Variants in CYP46A1 observed in about 807,000 individuals in gnomAD.
CYP46A1 encodes cholesterol 24-hydroxylase.
In CYP46A1, 20 loss-of-function variants were observed where a neutral mutation model predicts 63.3. That is an observed-to-expected ratio of 0.32 (90% CI 0.22 to 0.46). The LOEUF is 0.46. CYP46A1 is among the 20% of genes least tolerant of loss of function. The probability of loss-of-function intolerance (pLI) is 1.00; values close to 1 mark genes in which losing one functional copy is unlikely to be tolerated. For synonymous variants in CYP46A1, 268 were observed against 273.6 expected (o/e 0.98, Z 0.20); for missense variants, 445 against 670.8 (o/e 0.66, Z 3.72).
At chr14:99,693,399 T>C (rs1368995409) in intron 3 of CYP46A1, among the ~76,000 whole-genome samples, 1 of 152,228 alleles carries the variant, frequency 6.6e-6, no homozygotes, top group Non-Finnish European at 1.5e-5. Context: ...TCGTGATGCT[T>C]AATGAGAAAA....
Position 99,725,332 on chromosome 14 carries a change from T to C in CYP46A1, c.1177-59T>C. ...AGCCCTGTTGGGTGGCCTCAGTGGC[T>C]CAAGAGGTGCCAGGGGAACAACCTG... On this transcript the variant is annotated intron_variant, in intron 12 of 14. Transcript: ENST00000261835. This position sits in a 1 kb window ranked among gnomAD's most constrained non-coding sequence, Gnocchi z 4.2. The C allele has an allele frequency of 6.8e-7, 1 of 1,463,094 alleles. No individual in the cohort carries two copies. The highest frequency in any genetic ancestry group is 2.3e-5 in the East Asian group (1 of 44,188). The allele number at this position is 1,463,094 out of a possible 1,614,324, so 90.6% of individuals were successfully genotyped here. A position where few individuals can be genotyped will look rare whatever the true frequency, so the allele number is the denominator to read the frequency against.
At chr14:99,689,829 T>C (rs1405197001) in intron 1 of CYP46A1, among the ~76,000 whole-genome samples, 1 of 152,198 alleles carries the variant, frequency 6.6e-6, no homozygotes, top group Non-Finnish European at 1.5e-5. Context: ...GGTTACTCTC[T>C]GCACTGCTGC....
chr14:99,699,026 C>T (rs1368008452), intron 3 of CYP46A1, among the ~76,000 whole-genome samples: 3 of 152,076 alleles, frequency 2.0e-5, no homozygotes, highest in Non-Finnish European at 4.4e-5. Flanking sequence ...CCTTGACTGC[C>T]CGGCTTGAGT....
chr14:99,695,967 A>G (rs778269356), intron 3 of CYP46A1, among the ~76,000 whole-genome samples: 6 of 151,768 alleles, frequency 4.0e-5, no homozygotes, highest in Non-Finnish European at 8.8e-5. Flanking sequence ...GTTGCATGTT[A>G]TATCTTTTTT....
rs2056890589 is a variant in CYP46A1 at position 99,725,804 on chromosome 14, TGTGGG to T, written c.1265+327_1265+331del. 6.6e-6 allele frequency among the ~76,000 whole-genome samples: 1 copy of T among 152,174 alleles called. No homozygotes were observed. The highest frequency in any genetic ancestry group is 1.5e-5 in the Non-Finnish European group (1 of 68,028). Reference sequence around the variant, plus strand: ...ATCCGTGGCTGCATCTGCAAGTTGCTGTGGGGGTCAACGCGTTAAGGTACCGAAGC... The same window carrying T: ...ATCCGTGGCTGCATCTGCAAGTTGCTGGTCAACGCGTTAAGGTACCGAAGC... On this transcript the variant is annotated intron_variant, in intron 13 of 14. Transcript: ENST00000261835. The surrounding 1 kb of genome is among the most constrained non-coding windows in gnomAD (Gnocchi z 4.2).
intron 10 of CYP46A1, among the ~76,000 whole-genome samples, chr14:99,719,766 T>C (rs577092770): frequency 1.2e-3 from 183 of 148,594 alleles, no homozygotes; most frequent in African/African-American, 4.2e-3. Flanking sequence ...CTTTTCTTTT[T>C]TTTTTTTTTT....
chr14:99,684,802 A>G (rs1477005711), intron 1 of CYP46A1: 1 of 560,660 alleles, frequency 1.8e-6, no homozygotes, highest in Non-Finnish European at 3.4e-6. Flanking sequence ...TTGTTAACCC[A>G]TCGTTCAGAC....
At chr14:99,713,758 C>A (rs1289831760) in intron 7 of CYP46A1, among the ~76,000 whole-genome samples, 1 of 148,916 alleles carries the variant, frequency 6.7e-6, no homozygotes, top group Admixed American at 6.8e-5. Flanking sequence ...ATTAGCCAGG[C>A]ATGGTGTTTG....
intron 10 of CYP46A1, 90 bp downstream of exon 10, chr14:99,718,216 C>A: frequency 2.8e-6 from 3 of 1,075,632 alleles, no homozygotes; most frequent in Non-Finnish European, 2.8e-6. Flanking sequence ...TGGTTGAGTC[C>A]CCTCAACATG....
chr14:99,724,467 TC>T (rs2056876651), intron 12 of CYP46A1, among the ~76,000 whole-genome samples: 1 of 152,124 alleles, frequency 6.6e-6, no homozygotes, highest in Admixed American at 6.6e-5. Context: ...TCTCCTTAGA[TC>T]CCCTTACAGC....
chr14:99,691,242 T>C (rs1595184309), intron 2 of CYP46A1, 81 bp downstream of exon 2: 2 of 1,389,696 alleles, frequency 1.4e-6, no homozygotes, highest in Non-Finnish European at 2.0e-6. Flanking sequence ...GCACACAGAC[T>C]CCCAGCCTCA....
chr14:99,685,664 A>G (rs2056487763), intron 1 of CYP46A1, among the ~76,000 whole-genome samples: 2 of 152,014 alleles, frequency 1.3e-5, no homozygotes, highest in Admixed American at 6.5e-5. Context: ...ATCTCAGGAC[A>G]TGAATATTCT....
At chr14:99,711,157 C>T (rs2056727624) in intron 7 of CYP46A1, 1 of 152,008 alleles carries the variant, frequency 6.6e-6, no homozygotes, top group Admixed American at 6.6e-5. Flanking sequence ...ACAGCAAAAG[C>T]AGTGCTAAGA....
chr14:99,700,056 G>T lies in CYP46A1; in HGVS notation c.398G>T (p.Arg133Leu). 6.2e-7 allele frequency: 1 copy of T among 1,607,056 alleles called. No individual in the cohort carries two copies. Among genetic ancestry groups the T allele is most frequent in the Non-Finnish European group, 8.5e-7 (1 of 1,177,110 alleles). Reference sequence around the variant, plus strand: ...TTGGTGTCCGAATGCAACTATGAGCGCTGGCACAAGCAGCGGAGAGTCATA... The same window carrying T: ...TTGGTGTCCGAATGCAACTATGAGCTCTGGCACAAGCAGCGGAGAGTCATA... ...QGLVSECNYE[R>L]WHKQRRVIDL... is the part of the protein sequence containing the mutation. Residue 133 changes from arginine to leucine, a missense_variant, in exon 5 of 15, where the codon CGC (arginine) becomes CTC (leucine). Around this residue, in one of 4 missense-constraint regions of CYP46A1, gnomAD observed 252 missense variants for 383.3 expected, o/e 0.66. Transcript: ENST00000261835.
Position 99,727,247 on chromosome 14 carries a change from T to G in CYP46A1, c.*520T>G. 1 of 153,982 alleles carries G rather than the reference T, an allele frequency of 6.5e-6. No individual in the cohort carries two copies. Among genetic ancestry groups the G allele is most frequent in the Non-Finnish European group, 1.5e-5 (1 of 68,916 alleles). 9.5% of individuals were successfully genotyped at this position (153,982 alleles called of 1,614,324 possible). A position where few individuals can be genotyped will look rare whatever the true frequency, so the allele number is the denominator to read the frequency against. The stretch of plus-strand genomic sequence containing the variant: ...GTGTGATTTGTCTCTGAGCCCCCTG[T>G]GCCCACCCAGGGCCCGGCACAGAGT... On this transcript the variant is annotated 3_prime_UTR_variant, in exon 15 of 15. Transcript: ENST00000261835.
chr14:99,716,253 A>G (rs904232136), intron 9 of CYP46A1, 54 bp downstream of exon 9: 10 of 1,583,838 alleles, frequency 6.3e-6, no homozygotes, highest in Non-Finnish European at 7.8e-6. Context: ...AATGCTGTGG[A>G]CCATGGATCC....
At chr14:99,701,182 T>C (rs1394521743) in intron 5 of CYP46A1, among the ~76,000 whole-genome samples, 1 of 152,228 alleles carries the variant, frequency 6.6e-6, no homozygotes, top group Non-Finnish European at 1.5e-5. Context: ...AAGCTAAGGC[T>C]AATTTATTAT....
intron 1 of CYP46A1, chr14:99,684,904 A>C: frequency 2.8e-6 from 1 of 355,934 alleles, no homozygotes; most frequent in Non-Finnish European, 5.6e-6. Context: ...CTGCCTCCAA[A>C]GTGGGCGCTG....
chr14:99,722,118 G>A lies in CYP46A1; in HGVS notation c.1176+52G>A, dbSNP rs750118389. 1.4e-6 allele frequency: 2 copies of A among 1,427,392 alleles called. No homozygotes were observed. Among genetic ancestry groups the A allele is most frequent in the African/African-American group, 2.8e-5 (2 of 71,272 alleles). 88.4% of individuals were successfully genotyped at this position (1,427,392 alleles called of 1,614,324 possible). On this transcript the variant is annotated intron_variant, in intron 12 of 14. Coordinates refer to ENST00000261835, the MANE Select transcript of CYP46A1 (RefSeq NM_006668.2). This position sits in a 1 kb window ranked among gnomAD's most constrained non-coding sequence, Gnocchi z 4.6. The stretch of plus-strand genomic sequence containing the variant: ...GGTGGGCTGGGCTGCTTGCCCCAAT[G>A]GTGGTGAATTTGGGACTCACCAGGG...
Sources: gnomAD v4.1 joint callset for allele counts (sites outside exome capture counted in the v4.1 genomes callset) on GRCh38, gnomAD v4.1.1 for gene constraint, gnomAD v4.1.1 regional missense constraint, Gnocchi (gnomAD v3.1) non-coding constraint, MANE v1.5 for transcripts, NCBI Gene and HGNC (gene_info 2026-07-23, HGNC 2026-07-21) for gene names.